The following ROR2 variants were observed in gnomAD, a reference collection of about 807,000 sequenced individuals.
ROR2 encodes tyrosine-protein kinase transmembrane receptor ROR2.
In ROR2, 33 loss-of-function variants were observed where a neutral mutation model predicts 74.9. The ratio of observed to expected loss-of-function variants is 0.44; its 90% confidence interval spans 0.33 to 0.59. The LOEUF is 0.59. Ranked by LOEUF, ROR2 falls within the 20% of genes least tolerant of loss-of-function variation. The pLI is 0.02. For synonymous variants in ROR2, 586 were observed against 558.7 expected (o/e 1.05, Z -0.69); for missense variants, 1,216 against 1,313.8 (o/e 0.93, Z 1.15).
intron 1 of ROR2, among the ~76,000 whole-genome samples, chr9:91,803,582 C>T (rs1490144235): frequency 6.6e-6 from 1 of 152,156 alleles, no homozygotes; most frequent in Non-Finnish European, 1.5e-5. Flanking sequence ...GAGAATTTCA[C>T]AGAAGGAGAC....
chr9:91,821,923 C>T (rs1189737843), intron 1 of ROR2, among the ~76,000 whole-genome samples: 3 of 152,002 alleles, frequency 2.0e-5, no homozygotes, highest in African/African-American at 4.8e-5. Context: ...AAAACTGATG[C>T]TGAATGTATG....
intron 1 of ROR2, among the ~76,000 whole-genome samples, chr9:91,793,331 A>C (rs1281914870): frequency 1.3e-5 from 2 of 152,198 alleles, no homozygotes; most frequent in African/African-American, 4.8e-5. Context: ...AAATGGGAAG[A>C]TGAAGGATGA....
intron 1 of ROR2, among the ~76,000 whole-genome samples, chr9:91,945,584 G>T (rs1459558882): frequency 6.6e-6 from 1 of 152,142 alleles, no homozygotes; most frequent in Non-Finnish European, 1.5e-5. Context: ...CTACTTAGTC[G>T]AATTAAGCTA....
intron 1 of ROR2, among the ~76,000 whole-genome samples, chr9:91,924,644 C>T (rs1464844173): frequency 1.3e-5 from 2 of 152,030 alleles, no homozygotes; most frequent in Non-Finnish European, 2.9e-5. Context: ...ATACAAAAAA[C>T]TAGCCAGGCG....
At chr9:91,921,236 A>AT (rs1831255618) in intron 1 of ROR2, among the ~76,000 whole-genome samples, 2 of 152,258 alleles carry the variant, frequency 1.3e-5, no homozygotes, top group Non-Finnish European at 2.9e-5. Context: ...CCTCAACCCC[A>AT]TATCAACAAA....
chr9:91,778,208 T>G (rs1461159920), intron 1 of ROR2, among the ~76,000 whole-genome samples: 2 of 152,180 alleles, frequency 1.3e-5, no homozygotes, highest in Non-Finnish European at 2.9e-5. Context: ...ACTTGGCCAG[T>G]TTAGGGGCCA....
At position 91,722,931 on chromosome 9, in the gene ROR2, C is replaced by G; in HGVS notation, c.*731G>C. Reference sequence around the variant, plus strand: ...CGTGTTCTGTACAATACTGCTTCCTCTGAACATTCCAAACCCAAGAAACAC... The same window carrying G: ...CGTGTTCTGTACAATACTGCTTCCTGTGAACATTCCAAACCCAAGAAACAC... On this transcript the variant is annotated 3_prime_UTR_variant, in exon 9 of 9. Coordinates refer to ENST00000375708, the MANE Select transcript of ROR2 (RefSeq NM_004560.4). The G allele has an allele frequency of 3.9e-6, 1 of 257,340 alleles. No individual in the cohort carries two copies. The highest frequency in any genetic ancestry group is 2.2e-5 in the African/African-American group (1 of 46,462). 15.9% of individuals were successfully genotyped at this position (257,340 alleles called of 1,614,324 possible).
intron 1 of ROR2, among the ~76,000 whole-genome samples, chr9:91,848,527 G>A (rs1241102445): frequency 3.3e-5 from 5 of 152,302 alleles, no homozygotes; most frequent in South Asian, 4.1e-4. Flanking sequence ...TTAGGAGGCC[G>A]AGTTGGGTGG....
chr9:91,805,504 G>A (rs779993319), intron 1 of ROR2, among the ~76,000 whole-genome samples: 1 of 152,164 alleles, frequency 6.6e-6, no homozygotes, highest in Non-Finnish European at 1.5e-5. Context: ...AGCTAGAGCA[G>A]GAAGCCTAAA....
chr9:91,778,369 T>C (rs1826492420), intron 1 of ROR2, among the ~76,000 whole-genome samples: 1 of 152,222 alleles, frequency 6.6e-6, no homozygotes, highest in South Asian at 2.1e-4. Context: ...GGCTGGTGAA[T>C]GATCACGGTC....
chr9:91,948,826 C>G (rs1251103165), intron 1 of ROR2: 12 of 985,420 alleles, frequency 1.2e-5, no homozygotes, highest in Non-Finnish European at 1.4e-5. Context: ...GCTCCTGGGC[C>G]TGAAGGCCCC....
intron 1 of ROR2, among the ~76,000 whole-genome samples, chr9:91,792,528 T>C (rs957960963): frequency 5.3e-5 from 8 of 152,172 alleles, no homozygotes; most frequent in African/African-American, 1.9e-4. Flanking sequence ...CAAGATGGTC[T>C]CGATCTCCTG....
At chr9:91,825,195 C>T (rs1334230879) in intron 1 of ROR2, among the ~76,000 whole-genome samples, 1 of 152,192 alleles carries the variant, frequency 6.6e-6, no homozygotes, top group African/African-American at 2.4e-5. Context: ...CGTAAGAAAG[C>T]CTTCGGTAAT....
At chr9:91,853,698 C>A (rs1829184747) in intron 1 of ROR2, among the ~76,000 whole-genome samples, 1 of 152,200 alleles carries the variant, frequency 6.6e-6, no homozygotes, top group Admixed American at 6.5e-5. Flanking sequence ...TCCCACTCGA[C>A]ATCCCACTCT....
rs766932371 is a variant in ROR2 at position 91,757,584 on chromosome 9, G to A, written c.176-25C>T. The A allele has an allele frequency of 2.5e-6, 4 of 1,609,532 alleles. No homozygotes were observed. The Admixed American group carries it at 5.1e-5, about 20-fold the overall frequency. On this transcript the variant is annotated intron_variant, in intron 2 of 8. Coordinates refer to ENST00000375708, the MANE Select transcript of ROR2 (RefSeq NM_004560.4). ...CCTGCCAAGGAGAGCGGTCACAAAA[G>A]AGCAAGCGTCAGTGAGGGCTGGAAG...
chr9:91,760,836 C>G (rs1825893278), intron 2 of ROR2, among the ~76,000 whole-genome samples: 1 of 152,170 alleles, frequency 6.6e-6, no homozygotes, highest in Non-Finnish European at 1.5e-5. Context: ...TTCAGACCTT[C>G]TGAAGTATTC....
At chr9:91,824,200 G>A (rs568450769) in intron 1 of ROR2, among the ~76,000 whole-genome samples, 8 of 152,368 alleles carry the variant, frequency 5.3e-5, no homozygotes, top group African/African-American at 1.9e-4. Context: ...TACAGATAAA[G>A]GATGGGCCTC....
chr9:91,913,560 G>A (rs1281162003), intron 1 of ROR2, among the ~76,000 whole-genome samples: 1 of 152,108 alleles, frequency 6.6e-6, no homozygotes, highest in Non-Finnish European at 1.5e-5. Context: ...TGGATCCACC[G>A]TTAATAAAAA....
Position 91,949,978 on chromosome 9 carries a change from G to A in ROR2, c.-15C>T. On this transcript the variant is annotated 5_prime_UTR_variant, in exon 1 of 9. Coordinates refer to ENST00000375708, the MANE Select transcript of ROR2 (RefSeq NM_004560.4). ...CCCCGGGCCATGCCGCAGGCAGTGG[G>A]GGCCGGGAAGCCCTCAGAGCTTCGG... 1.4e-6 allele frequency: 2 copies of A among 1,418,038 alleles called. No individual in the cohort carries two copies. The highest frequency in any genetic ancestry group is 1.8e-6 in the Non-Finnish European group (2 of 1,088,464). 87.8% of individuals were successfully genotyped at this position (1,418,038 alleles called of 1,614,324 possible). A position where few individuals can be genotyped will look rare whatever the true frequency, so the allele number is the denominator to read the frequency against.
Sources: allele counts gnomAD v4.1 joint callset (sites outside exome capture counted in the v4.1 genomes callset), GRCh38; gene constraint gnomAD v4.1.1; transcripts MANE v1.5; gene names NCBI Gene and HGNC (gene_info 2026-07-23, HGNC 2026-07-21).